Variants in SPAG16 observed in about 807,000 individuals in gnomAD.
SPAG16 encodes sperm-associated antigen 16 protein.
In SPAG16, 86 loss-of-function variants were observed where a neutral mutation model predicts 80.4. The ratio of observed to expected loss-of-function variants is 1.07; its 90% CI spans 0.90 to 1.28. The LOEUF (loss-of-function observed/expected upper bound fraction) is 1.28. Ranked by LOEUF, SPAG16 falls within the 50% of genes most tolerant of loss-of-function variation. SPAG16 has a pLI of 0.00. For synonymous variants in SPAG16, 294 were observed against 265.9 expected (o/e 1.11, Z -1.03); for missense variants, 870 against 765.3 (o/e 1.14, Z -1.61).
intron 13 of SPAG16, among the ~76,000 whole-genome samples, chr2:214,092,870 C>G (rs1318948006): frequency 2.0e-5 from 3 of 152,046 alleles, no homozygotes; most frequent in Non-Finnish European, 4.4e-5. Flanking sequence ...TCCTTGTCTA[C>G]TTCCTGTGTG....
At chr2:213,780,865 A>T (rs1204926944) in intron 10 of SPAG16, among the ~76,000 whole-genome samples, 1 of 152,096 alleles carries the variant, frequency 6.6e-6, no homozygotes, top group Non-Finnish European at 1.5e-5. Context: ...TAGCACACAC[A>T]TAATAATAAA....
intron 10 of SPAG16, among the ~76,000 whole-genome samples, chr2:213,607,380 A>G (rs2061300034): frequency 6.6e-6 from 1 of 151,900 alleles, no homozygotes; most frequent in Non-Finnish European, 1.5e-5. Context: ...CCTAAGTAAT[A>G]TATTAGGTGT....
intron 13 of SPAG16, among the ~76,000 whole-genome samples, chr2:214,094,915 G>A (rs7601427): frequency 0.16 from 23,782 of 151,878 alleles, 2,040 homozygotes; most frequent in African/African-American, 0.19. Context: ...TTAGGTAGCC[G>A]GTTTCTGGAC....
intron 10 of SPAG16, among the ~76,000 whole-genome samples, chr2:213,790,224 T>C (rs1268364581): frequency 4.6e-5 from 7 of 151,926 alleles, no homozygotes; most frequent in Non-Finnish European, 8.8e-5. Flanking sequence ...ATGCAATTTT[T>C]TGGCATTCAA....
chr2:213,811,242 T>C (rs2072132140), intron 10 of SPAG16, among the ~76,000 whole-genome samples: 1 of 152,162 alleles, frequency 6.6e-6, no homozygotes, highest in South Asian at 2.1e-4. Context: ...ATACAAAATC[T>C]CTTTCATTTA....
rs546263170 is a variant in SPAG16, at chr2:213,741,484, G to A, written c.1071-121001G>A. On this transcript the variant is annotated intron_variant, in intron 10 of 15. Coordinates refer to ENST00000331683, the MANE Select transcript of SPAG16 (RefSeq NM_024532.5). ...TAACCTTACCTGTTGAAAGACTAAGGAAAAAAAAGTAAACCGCTGAGTAAA... is the reference window on the plus strand; with the variant it reads ...TAACCTTACCTGTTGAAAGACTAAGAAAAAAAAAGTAAACCGCTGAGTAAA... 2.0e-4 allele frequency among the ~76,000 whole-genome samples: 30 copies of A among 151,176 alleles called. No individual in the cohort carries two copies. The East Asian group carries it at 4.3e-3, about 21-fold the overall frequency.
chr2:213,499,827 A>G (rs901469204), intron 10 of SPAG16, among the ~76,000 whole-genome samples: 6 of 152,066 alleles, frequency 3.9e-5, no homozygotes, highest in Non-Finnish European at 5.9e-5. Context: ...TCAGAATTCT[A>G]GGTTTCTTAC....
intron 10 of SPAG16, among the ~76,000 whole-genome samples, chr2:213,644,459 A>T (rs2040466671): frequency 6.6e-6 from 1 of 152,134 alleles, no homozygotes; most frequent in Admixed American, 6.5e-5. Flanking sequence ...TTTAGTCCTC[A>T]CTGTCTGGGC....
At chr2:213,337,788 T>G (rs986126977) in intron 5 of SPAG16, among the ~76,000 whole-genome samples, 2 of 151,954 alleles carry the variant, frequency 1.3e-5, no homozygotes, top group Admixed American at 1.3e-4. Context: ...GGAACCAAGT[T>G]GGAAAACACA....
intron 14 of SPAG16, among the ~76,000 whole-genome samples, chr2:214,120,917 T>C (rs548966233): frequency 1.2e-3 from 179 of 151,986 alleles, no homozygotes; most frequent in African/African-American, 4.2e-3. Context: ...ACATCTGATA[T>C]CTCATTAAAA....
rs536656302 is a variant in SPAG16 at position 214,176,743 on chromosome 2, C to T, written c.1720+27477C>T. ...ATGGTCAATTTCTTTTAAAATTTTC[C>T]ATGTATGCTTACTCTAGAGCAAATT... On this transcript the variant is annotated intron_variant, in intron 15 of 15. Transcript: ENST00000331683. Among the ~76,000 whole-genome samples the T allele has an allele frequency of 6.6e-5, 10 of 150,952 alleles. No individual in the cohort carries two copies. In the East Asian group the frequency reaches 2.0e-3, roughly 30 times the overall value.
chr2:214,289,350 T>C lies in SPAG16; in HGVS notation c.1721-120790T>C, dbSNP rs146475920. Among the ~76,000 whole-genome samples the C allele has an allele frequency of 4.8e-3, 732 of 152,320 alleles. 4 individuals are homozygous for C. Among genetic ancestry groups the C allele is most frequent in the African/African-American group, 0.017 (701 of 41,586 alleles). On this transcript the variant is annotated intron_variant, in intron 15 of 15. Coordinates refer to ENST00000331683, the MANE Select transcript of SPAG16 (RefSeq NM_024532.5). ...GAAGTGTATTTTCTGTGTTCTTTTC[T>C]AGTATTTTTACAGTTCCAGGTCTAA...
chr2:213,576,999 T>C (rs1251426848), intron 10 of SPAG16, among the ~76,000 whole-genome samples: 3 of 152,094 alleles, frequency 2.0e-5, no homozygotes, highest in African/African-American at 7.2e-5. Flanking sequence ...GTTGTACATA[T>C]TTCTTTGCTA....
chr2:214,000,810 G>A (rs933593951), intron 12 of SPAG16, among the ~76,000 whole-genome samples: 1 of 152,206 alleles, frequency 6.6e-6, no homozygotes, highest in Non-Finnish European at 1.5e-5. Context: ...CTCTGCGCAT[G>A]AGGAAACAGG....
At chr2:213,648,367 A>G (rs2062899522) in intron 10 of SPAG16, among the ~76,000 whole-genome samples, 1 of 152,198 alleles carries the variant, frequency 6.6e-6, no homozygotes, top group Admixed American at 6.5e-5. Flanking sequence ...AGTTTGTATA[A>G]CAAAACTCTA....
chr2:214,020,399 G>A (rs2047803550), intron 13 of SPAG16, among the ~76,000 whole-genome samples: 1 of 152,048 alleles, frequency 6.6e-6, no homozygotes, highest in African/African-American at 2.4e-5. Flanking sequence ...GGTACAATTA[G>A]CAATATTTAA....
intron 12 of SPAG16, among the ~76,000 whole-genome samples, chr2:213,990,383 C>T (rs534058465): frequency 1.3e-5 from 2 of 152,084 alleles, no homozygotes; most frequent in African/African-American, 2.4e-5. Flanking sequence ...AACCAACTGC[C>T]CACACAGTCA....
chr2:213,734,248 A>G (rs144309456), intron 10 of SPAG16, among the ~76,000 whole-genome samples: 3 of 152,340 alleles, frequency 2.0e-5, no homozygotes, highest in African/African-American at 7.2e-5. Context: ...AAGAAAAGAG[A>G]TAAATGCTAG....
intron 10 of SPAG16, among the ~76,000 whole-genome samples, chr2:213,600,600 A>G (rs532251320): frequency 6.6e-6 from 1 of 152,244 alleles, no homozygotes; most frequent in East Asian, 1.9e-4. Context: ...AACTTTCTCC[A>G]TCCAATTTAT....
Sources: allele counts gnomAD v4.1 joint callset (sites outside exome capture counted in the v4.1 genomes callset), GRCh38; gene constraint gnomAD v4.1.1; transcripts MANE v1.5; gene names NCBI Gene and HGNC (gene_info 2026-07-23, HGNC 2026-07-21).